NLGN4X: variants seen among roughly 807,000 people sequenced by gnomAD.
NLGN4X encodes neuroligin-4, X-linked.
A neutral mutation model predicts 40.3 loss-of-function variants in NLGN4X; 3 were observed. The observed-to-expected ratio is 0.07, with a 90% CI of 0.03 to 0.19. The LOEUF is 0.19. Among genes scored for constraint, NLGN4X ranks in the 10% least tolerant of loss-of-function variants. NLGN4X has a pLI of 1.00. For missense variants in NLGN4X, 382 were observed against 708.3 expected, an observed-to-expected ratio of 0.54 and a Z score of 5.23; for synonymous variants, 270 against 306.8, an observed-to-expected ratio of 0.88 and a Z score of 1.25.
intron 2 of NLGN4X, among the ~76,000 whole-genome samples, chrX:6,035,179 A>C (rs7890117): frequency 8.9e-6 from 1 of 112,034 alleles, no homozygotes; most frequent in Admixed American, 9.5e-5. Flanking sequence ...ATATTTTCTA[A>C]ATAAAAGTCT....
chrX:6,107,176 G>A (rs2039049471), intron 2 of NLGN4X, among the ~76,000 whole-genome samples: 1 of 112,110 alleles, frequency 8.9e-6, no homozygotes, highest in African/African-American at 3.2e-5. Flanking sequence ...TGATCGTTGT[G>A]CTGGATGCCA....
intron 3 of NLGN4X, among the ~76,000 whole-genome samples, chrX:5,980,220 A>T (rs929585186): frequency 1.8e-5 from 2 of 108,949 alleles, no homozygotes; most frequent in African/African-American, 6.6e-5. Context: ...CTATATATTT[A>T]TAGGAAACTG....
At chrX:6,120,365 T>C (rs1245131119) in intron 2 of NLGN4X, among the ~76,000 whole-genome samples, 1 of 111,793 alleles carries the variant, frequency 8.9e-6, no homozygotes, top group Non-Finnish European at 1.9e-5. Context: ...AAAATTTCTT[T>C]GTTGAATTAA....
chrX:6,136,163 C>T (rs1241945837), intron 2 of NLGN4X, among the ~76,000 whole-genome samples: 1 of 112,080 alleles, frequency 8.9e-6, no homozygotes, highest in Non-Finnish European at 1.9e-5. Flanking sequence ...ACTGCAGCCT[C>T]GACCTCCTGA....
intron 3 of NLGN4X, among the ~76,000 whole-genome samples, chrX:5,988,045 C>A (rs1028661190): frequency 1.4e-4 from 16 of 112,033 alleles, no homozygotes; most frequent in Non-Finnish European, 1.9e-5. Flanking sequence ...ACGCTGCACT[C>A]CAGCCTGCAA....
intron 2 of NLGN4X, among the ~76,000 whole-genome samples, chrX:6,122,913 T>G (rs1018218597): frequency 1.9e-5 from 2 of 108,065 alleles, no homozygotes; most frequent in African/African-American, 6.7e-5. Context: ...AAGACAGAGA[T>G]ACATTTTCCC....
intron 2 of NLGN4X, among the ~76,000 whole-genome samples, chrX:6,042,497 G>A (rs1272168383): frequency 4.8e-5 from 5 of 105,134 alleles, no homozygotes; most frequent in African/African-American, 1.7e-4. Context: ...ATATTATCTC[G>A]AAGAATCTAT....
rs773161349 is a variant in NLGN4X at position 6,205,735 on chromosome X, T to C, written c.-306+22806A>G. On this transcript the variant is annotated intron_variant, in intron 1 of 5. Coordinates refer to ENST00000381095, the MANE Select transcript of NLGN4X (RefSeq NM_181332.3). ...TCCCCACCACCAAGTTCAATTTCAGTGCAATTTCAATTATCTACCATAAAT... is the reference window on the plus strand; with the variant it reads ...TCCCCACCACCAAGTTCAATTTCAGCGCAATTTCAATTATCTACCATAAAT... Among the ~76,000 whole-genome samples the C allele has an allele frequency of 8.0e-5, 9 of 112,211 alleles. No individual in the cohort carries two copies. The South Asian group carries it at 3.4e-3, about 42-fold the overall frequency.
rs2032038162 is a variant in NLGN4X, at chrX:5,903,858, G to A, written c.820C>T (p.Gln274Ter). The A allele has an allele frequency of 8.3e-7, 1 of 1,212,024 alleles. No individual in the cohort carries two copies. The highest frequency in any genetic ancestry group is 1.1e-6 in the Non-Finnish European group (1 of 895,626). ...GTGCCGCTCTGAATGATGGCCTTCT[G>A]GAAGAGACCTGCAGGTGCAAAATTG... ...TLSHYSEGLF[Q>*]KAIIQSGTAL... is the part of the protein sequence containing the mutation. Residue 274 changes from glutamine to a stop codon, truncating the protein, a stop_gained, in exon 5 of 6, where the codon CAG becomes TAG. Coordinates refer to ENST00000381095, the MANE Select transcript of NLGN4X (RefSeq NM_181332.3). LOFTEE classifies it high-confidence loss of function.
At chrX:6,116,033 T>C (rs866781411) in intron 2 of NLGN4X, among the ~76,000 whole-genome samples, 9 of 109,676 alleles carry the variant, frequency 8.2e-5, no homozygotes, top group Middle Eastern at 4.7e-3. Context: ...GTGGCTCATG[T>C]CTGTAATCCC....
chrX:6,036,251 T>G (rs957225473), intron 2 of NLGN4X, among the ~76,000 whole-genome samples: 2 of 111,581 alleles, frequency 1.8e-5, no homozygotes, highest in Non-Finnish European at 3.8e-5. Flanking sequence ...CATGAAACTT[T>G]CCAAATCAGC....
At chrX:6,098,241 GCTAT>G (rs1449529926) in intron 2 of NLGN4X, among the ~76,000 whole-genome samples, 2 of 112,261 alleles carry the variant, frequency 1.8e-5, no homozygotes, top group Non-Finnish European at 3.8e-5. Context: ...GCTGCAGTGA[GCTAT>G]CTATGATCAC....
intron 3 of NLGN4X, among the ~76,000 whole-genome samples, chrX:5,960,605 T>C (rs952633938): frequency 3.7e-4 from 41 of 111,770 alleles, no homozygotes; most frequent in African/African-American, 1.3e-3. Context: ...AGAAAATATA[T>C]AAATTGTGTG....
At chrX:6,027,799 A>C (rs915861996) in intron 3 of NLGN4X, among the ~76,000 whole-genome samples, 1 of 105,951 alleles carries the variant, frequency 9.4e-6, no homozygotes, top group African/African-American at 3.3e-5. Flanking sequence ...TATTTTAATT[A>C]ATTTATTACT....
intron 2 of NLGN4X, among the ~76,000 whole-genome samples, chrX:6,040,802 T>C (rs2037136458): frequency 8.9e-6 from 1 of 112,174 alleles, no homozygotes; most frequent in South Asian, 3.7e-4. Flanking sequence ...TAGACAGATA[T>C]AATTGCTTAA....
chrX:5,947,433 G>T (rs999771842), intron 3 of NLGN4X, among the ~76,000 whole-genome samples: 1 of 111,884 alleles, frequency 8.9e-6, no homozygotes, highest in African/African-American at 3.2e-5. Context: ...CAAAATGCAC[G>T]CAAGGTCAGG....
intron 3 of NLGN4X, among the ~76,000 whole-genome samples, chrX:6,003,635 C>G (rs1474856259): frequency 9.0e-6 from 1 of 111,674 alleles, no homozygotes; most frequent in African/African-American, 3.3e-5. Flanking sequence ...CTGTTGCTGC[C>G]TCTGGGAAAA....
At chrX:6,165,848 G>A (rs1381908432) in intron 1 of NLGN4X, among the ~76,000 whole-genome samples, 4 of 111,193 alleles carry the variant, frequency 3.6e-5, no homozygotes, top group Admixed American at 2.9e-4. Flanking sequence ...CATAGCAGGT[G>A]TATATACATA....
intron 3 of NLGN4X, among the ~76,000 whole-genome samples, chrX:6,009,508 T>C (rs1436844720): frequency 8.9e-6 from 1 of 112,570 alleles, no homozygotes; most frequent in South Asian, 3.6e-4. Context: ...TTGTGTATTA[T>C]TGAGAATGTC....
Sources: allele counts gnomAD v4.1 joint callset (sites outside exome capture counted in the v4.1 genomes callset), GRCh38; gene constraint gnomAD v4.1.1; transcripts MANE v1.5; gene names NCBI Gene and HGNC (gene_info 2026-07-23, HGNC 2026-07-21).